Variants in KCNMA1 observed in about 807,000 individuals in gnomAD.
KCNMA1 encodes the protein potassium calcium-activated channel subfamily M alpha 1.
Under a neutral mutation model 140.0 loss-of-function variants are expected in KCNMA1, and 29 were observed. The ratio of observed to expected loss-of-function variants is 0.21; its 90% CI spans 0.15 to 0.28. The LOEUF is 0.28. KCNMA1 is among the 10% of genes least tolerant of loss of function. KCNMA1 has a pLI of 1.00. For missense variants in KCNMA1, 880 were observed against 1,602.2 expected (o/e 0.55, Z 7.70); for synonymous variants, 612 against 611.9 (o/e 1.00, Z 0.00).
chr10:77,110,112 T>C (rs1424947261), intron 8 of KCNMA1, 61 bp downstream of exon 8: 3 of 1,381,716 alleles, frequency 2.2e-6, no homozygotes, highest in Non-Finnish European at 1.0e-6. Context: ...TTTAAGGAAA[T>C]GTATCATGGA....
At chr10:76,999,341 G>A (rs1470524542) in intron 19 of KCNMA1, among the ~76,000 whole-genome samples, 1 of 152,244 alleles carries the variant, frequency 6.6e-6, no homozygotes, top group African/African-American at 2.4e-5. Flanking sequence ...CCCTAGCTCA[G>A]AGCCAGAGTG....
chr10:77,065,670 T>TG (rs1207056131), intron 14 of KCNMA1, among the ~76,000 whole-genome samples: 1 of 152,198 alleles, frequency 6.6e-6, no homozygotes, highest in Admixed American at 6.5e-5. Context: ...CAGGGGGTTC[T>TG]GGGATATTTG....
chr10:77,420,483 C>A (rs1416656991), intron 1 of KCNMA1, among the ~76,000 whole-genome samples: 1 of 152,236 alleles, frequency 6.6e-6, no homozygotes. Context: ...TCAATACTTC[C>A]TTTCAGGTAT....
intron 5 of KCNMA1, among the ~76,000 whole-genome samples, chr10:77,131,965 A>T (rs1242802831): frequency 5.0e-4 from 2 of 4,004 alleles, no homozygotes; most frequent in African/African-American, 7.4e-4. Context: ...ACTCGGTCTC[A>T]AAAAAAAAAA....
chr10:77,104,352 G>T (rs1052993802), intron 9 of KCNMA1, among the ~76,000 whole-genome samples: 3 of 152,194 alleles, frequency 2.0e-5, no homozygotes, highest in Non-Finnish European at 1.5e-5. Context: ...TGGAGCAAGA[G>T]ACGGGTTAGT....
chr10:76,908,678 T>C (rs967270988), intron 25 of KCNMA1, among the ~76,000 whole-genome samples: 2 of 152,236 alleles, frequency 1.3e-5, no homozygotes, highest in Admixed American at 6.5e-5. Flanking sequence ...TTAAGAAATA[T>C]ACGTGTGTAA....
chr10:76,885,015 G>A lies in KCNMA1; in HGVS notation c.*2251C>T. 1 of 1,547,768 alleles carries A rather than the reference G, an allele frequency of 6.5e-7. No homozygotes were observed. On this transcript the variant is annotated 3_prime_UTR_variant, in exon 28 of 28. Transcript: ENST00000286628. The stretch of plus-strand genomic sequence containing the variant: ...TTGGCCCATTCTATTCATCCTTGTT[G>A]CACTTTAGAGAGAGAAGTAAGCTAT...
At chr10:76,896,157 T>C (rs1238921260) in intron 25 of KCNMA1, among the ~76,000 whole-genome samples, 2 of 152,220 alleles carry the variant, frequency 1.3e-5, no homozygotes, top group African/African-American at 4.8e-5. Context: ...TCATCCCTTA[T>C]CTGCAACTCC....
intron 3 of KCNMA1, among the ~76,000 whole-genome samples, chr10:77,244,393 A>G (rs765160276): frequency 3.9e-5 from 6 of 152,168 alleles, no homozygotes; most frequent in South Asian, 2.1e-4. Context: ...GATTTCCCCA[A>G]TGAAAGCCAA....
At chr10:77,596,810 A>G (rs181369191) in intron 1 of KCNMA1, among the ~76,000 whole-genome samples, 1 of 152,240 alleles carries the variant, frequency 6.6e-6, no homozygotes, top group Non-Finnish European at 1.5e-5. Flanking sequence ...GCTCCAAAAA[A>G]GAGCGAATGA....
chr10:76,914,104 T>C, intron 24 of KCNMA1: 1 of 1,550,524 alleles, frequency 6.4e-7, no homozygotes. Flanking sequence ...TTTTTCCTGA[T>C]TGACTGATAC....
Position 77,025,240 on chromosome 10 carries a change from GTGTATATATATATATATATATATATA to G in KCNMA1, c.1928+2557_1928+2582del, listed in dbSNP as rs1465062226. On this transcript the variant is annotated intron_variant, in intron 16 of 27. Transcript: ENST00000286628. ...GTACTCTAGTTGGAGAGGGGTGTGT[GTGTATATATATATATATATATATATA>G]TATATATATATATATACACACACAC... 6.7e-4 allele frequency among the ~76,000 whole-genome samples: 44 copies of G among 65,380 alleles called. 2 individuals carry two copies. The highest frequency in any genetic ancestry group is 1.1e-3 in the African/African-American group (21 of 18,506). 42.9% of individuals were successfully genotyped at this position (65,380 alleles called of 152,430 possible).
chr10:77,273,128 GC>G (rs1039102411), intron 2 of KCNMA1, among the ~76,000 whole-genome samples: 1 of 152,156 alleles, frequency 6.6e-6, no homozygotes, highest in African/African-American at 2.4e-5. Flanking sequence ...CTATAAGGTA[GC>G]TGTAAATAAG....
intron 2 of KCNMA1, among the ~76,000 whole-genome samples, chr10:77,279,493 C>T (rs186418782): frequency 2.6e-5 from 4 of 152,238 alleles, no homozygotes; most frequent in African/African-American, 9.6e-5. Flanking sequence ...ATCAGGGAAC[C>T]TCAACACACT....
chr10:77,026,311 C>T (rs925280479), intron 16 of KCNMA1, among the ~76,000 whole-genome samples: 9 of 152,316 alleles, frequency 5.9e-5, no homozygotes, highest in African/African-American at 1.4e-4. Flanking sequence ...GCATCACCCA[C>T]ATCATGACAT....
chr10:77,257,958 G>A (rs1404173541), intron 2 of KCNMA1, among the ~76,000 whole-genome samples: 1 of 152,138 alleles, frequency 6.6e-6, no homozygotes, highest in Non-Finnish European at 1.5e-5. Context: ...TGTGAAAACG[G>A]ACTAATATAA....
At chr10:77,399,151 C>T (rs1221582089) in intron 2 of KCNMA1, among the ~76,000 whole-genome samples, 1 of 152,128 alleles carries the variant, frequency 6.6e-6, no homozygotes, top group African/African-American at 2.4e-5. Flanking sequence ...TTAGCATGCT[C>T]ACTGGATGTT....
At chr10:77,161,411 C>A (rs2098553067) in intron 5 of KCNMA1, among the ~76,000 whole-genome samples, 1 of 151,952 alleles carries the variant, frequency 6.6e-6, no homozygotes, top group African/African-American at 2.4e-5. Context: ...CCACGCCCAA[C>A]TACTTTTTTT....
intron 2 of KCNMA1, among the ~76,000 whole-genome samples, chr10:77,313,496 C>A (rs563969428): frequency 3.5e-4 from 54 of 152,276 alleles, no homozygotes; most frequent in Non-Finnish European, 5.6e-4. Context: ...ATGTGAAATT[C>A]TCTGCTACTG....
Sources: gnomAD v4.1 joint callset for allele counts (sites outside exome capture counted in the v4.1 genomes callset) on GRCh38, gnomAD v4.1.1 for gene constraint, MANE v1.5 for transcripts, NCBI Gene and HGNC (gene_info 2026-07-23, HGNC 2026-07-21) for gene names.